The following SLC25A48 variants were observed in gnomAD, a reference collection of about 807,000 sequenced individuals.
SLC25A48 encodes the protein CTC-321K16.1.
In SLC25A48, 29 loss-of-function variants were observed where a neutral mutation model predicts 32.2. That is an observed-to-expected ratio of 0.90 (90% CI 0.67 to 1.23). SLC25A48 has a LOEUF of 1.23. SLC25A48 is among the 50% of genes most tolerant of loss of function. The pLI is 0.00. For missense variants in SLC25A48, 399 were observed against 422.7 expected (o/e 0.94, Z 0.49); for synonymous variants, 164 against 172.3 (o/e 0.95, Z 0.38).
intron 3 of SLC25A48, among the ~76,000 whole-genome samples, chr5:135,806,197 T>A (rs114071238): frequency 0.01 from 1,525 of 151,810 alleles, 15 homozygotes; most frequent in Middle Eastern, 0.041. Flanking sequence ...ATATGATTCA[T>A]AATATCTAGA....
intron 6 of SLC25A48, among the ~76,000 whole-genome samples, chr5:135,878,160 T>A (rs1031764607): frequency 2.0e-5 from 3 of 152,202 alleles, no homozygotes; most frequent in African/African-American, 2.4e-5. Context: ...CTGTGGGCTC[T>A]GCAGCAGAGC....
intron 3 of SLC25A48, among the ~76,000 whole-genome samples, chr5:135,710,615 G>T (rs775753636): frequency 5.3e-5 from 8 of 152,218 alleles, no homozygotes; most frequent in Non-Finnish European, 8.8e-5. Flanking sequence ...GTGCAAATGG[G>T]CATATTAATG....
chr5:135,636,122 A>G (rs1487904342), intron 3 of SLC25A48, among the ~76,000 whole-genome samples: 1 of 152,238 alleles, frequency 6.6e-6, no homozygotes, highest in Non-Finnish European at 1.5e-5. Flanking sequence ...CTTGGATAAT[A>G]ATCTTGTACT....
At chr5:135,860,958 G>A (rs1760730770) in intron 4 of SLC25A48, among the ~76,000 whole-genome samples, 1 of 152,174 alleles carries the variant, frequency 6.6e-6, no homozygotes, top group Non-Finnish European at 1.5e-5. Context: ...GTGGTTGGGG[G>A]ACTGGCAAAT....
chr5:135,622,821 GAAAT>G (rs1320984386), intron 1 of SLC25A48, among the ~76,000 whole-genome samples: 1 of 152,196 alleles, frequency 6.6e-6, no homozygotes, highest in Non-Finnish European at 1.5e-5. Context: ...AAGAGATTCT[GAAAT>G]AAATGTTACT....
intron 3 of SLC25A48, among the ~76,000 whole-genome samples, chr5:135,721,091 G>C (rs1200743050): frequency 6.6e-6 from 1 of 151,572 alleles, no homozygotes; most frequent in Non-Finnish European, 1.5e-5. Context: ...GCCCAGGCTG[G>C]AGTGTAGTGG....
At chr5:135,771,291 G>A (rs567878768) in intron 3 of SLC25A48, among the ~76,000 whole-genome samples, 2 of 151,852 alleles carry the variant, frequency 1.3e-5, no homozygotes, top group East Asian at 3.9e-4. Context: ...ATCCAGGGAG[G>A]TAGAGGGTGA....
At chr5:135,627,030 C>A (rs1379170544) in intron 1 of SLC25A48, among the ~76,000 whole-genome samples, 1 of 152,036 alleles carries the variant, frequency 6.6e-6, no homozygotes, top group Non-Finnish European at 1.5e-5. Flanking sequence ...GAGAAAGGAG[C>A]CCATCTGTGA....
At chr5:135,650,789 T>C (rs1753093219) in intron 3 of SLC25A48, among the ~76,000 whole-genome samples, 1 of 151,948 alleles carries the variant, frequency 6.6e-6, no homozygotes. Context: ...CGTGTGTATG[T>C]GTGTGTGTGG....
At chr5:135,774,826 C>A (rs1027920340) in intron 3 of SLC25A48, among the ~76,000 whole-genome samples, 1 of 151,608 alleles carries the variant, frequency 6.6e-6, no homozygotes, top group East Asian at 1.9e-4. Context: ...GTGTACACAC[C>A]CCTGTGATAT....
intron 3 of SLC25A48, among the ~76,000 whole-genome samples, chr5:135,760,099 G>A (rs1417339605): frequency 6.6e-6 from 1 of 152,018 alleles, no homozygotes; most frequent in East Asian, 1.9e-4. Flanking sequence ...CCAAAGTGCT[G>A]GGATTACAGC....
chr5:135,887,995 C>T (rs1762795457), intron 7 of SLC25A48, 37 bp from the exon 8 acceptor site: 1 of 1,545,128 alleles, frequency 6.5e-7, no homozygotes, highest in South Asian at 1.2e-5. Flanking sequence ...TCTTTGCCTG[C>T]CTTCTTCTCT....
At chr5:135,792,406 G>C (rs182878051) in intron 3 of SLC25A48, among the ~76,000 whole-genome samples, 104 of 151,626 alleles carry the variant, frequency 6.9e-4, no homozygotes, top group African/African-American at 2.4e-3. Context: ...TATCCTAAGG[G>C]GATGCTGCTA....
chr5:135,673,917 C>CT (rs146176295), intron 3 of SLC25A48, among the ~76,000 whole-genome samples: 2 of 151,274 alleles, frequency 1.3e-5, no homozygotes, highest in Non-Finnish European at 3.0e-5. Flanking sequence ...AGGGTCAAGG[C>CT]TTTTTTTTCC....
At chr5:135,886,392 G>A (rs945340671) in intron 7 of SLC25A48, among the ~76,000 whole-genome samples, 1 of 148,108 alleles carries the variant, frequency 6.8e-6, no homozygotes, top group African/African-American at 2.5e-5. Context: ...GGGCTGCAAT[G>A]AATGAAACTC....
intron 3 of SLC25A48, among the ~76,000 whole-genome samples, chr5:135,708,178 A>G (rs1754566220): frequency 6.6e-6 from 1 of 152,210 alleles, no homozygotes; most frequent in Non-Finnish European, 1.5e-5. Flanking sequence ...TTTTTATTAT[A>G]GAAACTTTTA....
chr5:135,626,004 C>T (rs1156259620), intron 1 of SLC25A48, among the ~76,000 whole-genome samples: 1 of 152,186 alleles, frequency 6.6e-6, no homozygotes, highest in Non-Finnish European at 1.5e-5. Context: ...GTTTGGGCAC[C>T]CCCTGTGCTC....
At chr5:135,647,946 G>A (rs1753011699) in intron 3 of SLC25A48, among the ~76,000 whole-genome samples, 1 of 152,080 alleles carries the variant, frequency 6.6e-6, no homozygotes, top group Non-Finnish European at 1.5e-5. Flanking sequence ...GTTGTAGAGA[G>A]AGGAAGGTGG....
intron 1 of SLC25A48, 107 bp downstream of exon 1, chr5:135,835,000 G>C: frequency 7.4e-7 from 1 of 1,357,238 alleles, no homozygotes; most frequent in Non-Finnish European, 1.0e-6. Flanking sequence ...CCCGCTCCCC[G>C]TTGTGCGCGC....
Sources: allele counts gnomAD v4.1 joint callset (sites outside exome capture counted in the v4.1 genomes callset), GRCh38; gene constraint gnomAD v4.1.1; transcripts MANE v1.5; gene names NCBI Gene and HGNC (gene_info 2026-07-23, HGNC 2026-07-21).